TFF3: variants seen among roughly 807,000 people sequenced by gnomAD.
TFF3 encodes polypeptide P1.B.
Under a neutral mutation model 9.7 loss-of-function variants are expected in TFF3, and 6 were observed. The observed-to-expected ratio is 0.62, with a 90% confidence interval of 0.34 to 1.22. The LOEUF (loss-of-function observed/expected upper bound fraction) is 1.22, where lower values mean the gene tolerates loss of function less well. Ranked by LOEUF, TFF3 falls within the 50% of genes most tolerant of loss-of-function variation. The pLI is 0.04. For synonymous variants in TFF3, 48 were observed against 41.4 expected, an observed-to-expected ratio of 1.16 and a Z score of -0.61; for missense variants, 93 against 98.6, an observed-to-expected ratio of 0.94 and a Z score of 0.24.
Position 42,312,010 on chromosome 21 carries a change from T to C in TFF3, c.*246A>G, listed in dbSNP as rs2069333237. On this transcript the variant is annotated 3_prime_UTR_variant, in exon 3 of 3. Coordinates refer to ENST00000518498, the MANE Select transcript of TFF3 (RefSeq NM_003226.4). ...ACTCTCCCCTGACACCCTCCCGCCC[T>C]CTCCCACGACGCAGCAGAAATAAAG... 2 of 550,572 alleles carry C rather than the reference T, an allele frequency of 3.6e-6. No homozygotes were observed. The highest frequency in any genetic ancestry group is 1.9e-5 in the African/African-American group (1 of 52,278). The allele number at this position is 550,572 out of a possible 1,614,324, so 34.1% of individuals were successfully genotyped here. A position where few individuals can be genotyped will look rare whatever the true frequency, so the allele number is the denominator to read the frequency against.
Position 42,311,972 on chromosome 21 carries a change from G to T in TFF3, c.*284C>A. ...CCTTAGGGAGTCTTTTCCTGCCCTTGAGGCCTGGGCAGACTCTCCCCTGAC... is the reference window on the plus strand; with the variant it reads ...CCTTAGGGAGTCTTTTCCTGCCCTTTAGGCCTGGGCAGACTCTCCCCTGAC... On this transcript the variant is annotated 3_prime_UTR_variant, in exon 3 of 3. Transcript: ENST00000518498. 1 of 636,004 alleles carries T rather than the reference G, an allele frequency of 1.6e-6. No individual in the cohort carries two copies. The allele number at this position is 636,004 out of a possible 1,614,324, so 39.4% of individuals were successfully genotyped here. A position where few individuals can be genotyped will look rare whatever the true frequency, so the allele number is the denominator to read the frequency against.
intron 2 of TFF3, 31 bp from the exon 3 acceptor site, chr21:42,312,300 G>T: frequency 6.3e-7 from 1 of 1,578,976 alleles, no homozygotes; most frequent in Non-Finnish European, 8.6e-7. Context: ...TGTGTGAGCA[G>T]TCTCTCTCCA....
chr21:42,313,735 C>A lies in TFF3; in HGVS notation c.83-104G>T. Reference sequence around the variant, plus strand: ...TGCATCCTCCCGCTCCGCCCCACCCCGCCGAGTTCAACCACTGCTGAAACC... The same window carrying A: ...TGCATCCTCCCGCTCCGCCCCACCCAGCCGAGTTCAACCACTGCTGAAACC... On this transcript the variant is annotated intron_variant, in intron 1 of 2. Transcript: ENST00000518498. The surrounding 1 kb of genome is among the most constrained non-coding windows in gnomAD (Gnocchi z 4.0). 3.6e-6 allele frequency: 5 copies of A among 1,373,846 alleles called. No individual in the cohort carries two copies. The highest frequency in any genetic ancestry group is 1.5e-5 in the South Asian group (1 of 66,772). 85.1% of individuals were successfully genotyped at this position (1,373,846 alleles called of 1,614,324 possible).
At chr21:42,314,979 A>G (rs1400362111) in intron 1 of TFF3, among the ~76,000 whole-genome samples, 1 of 152,244 alleles carries the variant, frequency 6.6e-6, no homozygotes, top group African/African-American at 2.4e-5. Context: ...GGAACAATGC[A>G]TAAAGACCTA....
At position 42,313,677 on chromosome 21, in the gene TFF3, TG is replaced by T. The variant is rs2069343577; in HGVS notation, c.83-47del. The T allele has an allele frequency of 3.2e-6, 5 of 1,567,412 alleles. No homozygotes were observed. The Middle Eastern group carries it at 6.7e-4, about 211-fold the overall frequency. On this transcript the variant is annotated intron_variant, in intron 1 of 2. Transcript: ENST00000518498. The surrounding 1 kb of genome is among the most constrained non-coding windows in gnomAD (Gnocchi z 4.0). The stretch of plus-strand genomic sequence containing the variant: ...TCAGCTGCCAGAGCCCTTGCTGGGC[TG>T]CGGTGAGTGTGTTTGCTTCACTTTG...
At position 42,312,101 on chromosome 21, in the gene TFF3, TAA is replaced by T; in HGVS notation, c.*153_*154del. 3.0e-6 allele frequency: 3 copies of T among 1,007,380 alleles called. No homozygotes were observed. The highest frequency in any genetic ancestry group is 4.7e-6 in the Non-Finnish European group (3 of 632,262). 62.4% of individuals were successfully genotyped at this position (1,007,380 alleles called of 1,614,324 possible). On this transcript the variant is annotated 3_prime_UTR_variant, in exon 3 of 3. Coordinates refer to ENST00000518498, the MANE Select transcript of TFF3 (RefSeq NM_003226.4). ...GGTGGAGCATGGGACCTTTATTCGTTAAGACATCAGGCTCCAGATATGAACTT... is the reference window on the plus strand; with the variant it reads ...GGTGGAGCATGGGACCTTTATTCGTTGACATCAGGCTCCAGATATGAACTT...
At position 42,312,254 on chromosome 21, in the gene TFF3, C is replaced by A. The variant is rs369257030; in HGVS notation, c.*2G>T. On this transcript the variant is annotated 3_prime_UTR_variant, in exon 3 of 3. Coordinates refer to ENST00000518498, the MANE Select transcript of TFF3 (RefSeq NM_003226.4). Reference sequence around the variant, plus strand: ...CCCCGGCCGGGGGCAGCTGGAGGTGCCTCAGAAGGTGCATTCTGCAAACAG... The same window carrying A: ...CCCCGGCCGGGGGCAGCTGGAGGTGACTCAGAAGGTGCATTCTGCAAACAG... 67 of 1,611,784 alleles carry A rather than the reference C, an allele frequency of 4.2e-5. No homozygotes were observed. The highest frequency in any genetic ancestry group is 5.4e-5 in the Non-Finnish European group (64 of 1,178,950).
chr21:42,312,214 T>G lies in TFF3; in HGVS notation c.*42A>C. ...AGCAATCACAGCCGGGCAAGGGTGC[T>G]CCGAGCCTCGCATCCCCCGGCCGGG... On this transcript the variant is annotated 3_prime_UTR_variant, in exon 3 of 3. Coordinates refer to ENST00000518498, the MANE Select transcript of TFF3 (RefSeq NM_003226.4). 1 of 1,613,822 alleles carries G rather than the reference T, an allele frequency of 6.2e-7. No individual in the cohort carries two copies. Among genetic ancestry groups the G allele is most frequent in the Non-Finnish European group, 8.5e-7 (1 of 1,179,894 alleles).
chr21:42,312,435 C>T (rs1294555735), intron 2 of TFF3, among the ~76,000 whole-genome samples, 166 bp from the exon 3 acceptor site: 2 of 152,214 alleles, frequency 1.3e-5, no homozygotes. Flanking sequence ...AAGATTCCCA[C>T]CTCGGGTTGC....
chr21:42,312,377 C>T lies in TFF3; in HGVS notation c.230-108G>A, dbSNP rs751787945. 10 of 1,353,516 alleles carry T rather than the reference C, an allele frequency of 7.4e-6. No individual in the cohort carries two copies. In the Admixed American group the frequency reaches 2.1e-4, roughly 28 times the overall value. 83.8% of individuals were successfully genotyped at this position (1,353,516 alleles called of 1,614,324 possible). Reference sequence around the variant, plus strand: ...GCCAGCACCTAGTGCTGCCTCCTCCCCAGAGTCACCGGGGAGTGTTGAGTC... The same window carrying T: ...GCCAGCACCTAGTGCTGCCTCCTCCTCAGAGTCACCGGGGAGTGTTGAGTC... On this transcript the variant is annotated intron_variant, in intron 2 of 2. Coordinates refer to ENST00000518498, the MANE Select transcript of TFF3 (RefSeq NM_003226.4).
Position 42,313,485 on chromosome 21 carries a change from C to T in TFF3, c.229G>A (p.Glu77Lys), listed in dbSNP as rs758987563. ...GACCACGATGCCACTGGGGCCTTAC[C>T]TGCTTCCTGCAGGGGCTTGAAACAC... Reference protein sequence around the residue: ...PWCFKPLQEAECTF With the variant: ...PWCFKPLQEAKCTF Residue 77 changes from glutamate (E) to lysine (K), a missense_variant and splice_region_variant, in exon 2 of 3, where the codon GAA becomes AAA. By Grantham distance (56) the Glu-to-Lys change is moderately conservative. Transcript: ENST00000518498. The surrounding 1 kb of genome is among the most constrained non-coding windows in gnomAD (Gnocchi z 4.0). The T allele has an allele frequency of 6.2e-7, 1 of 1,607,326 alleles. No individual in the cohort carries two copies. Among genetic ancestry groups the T allele is most frequent in the South Asian group, 1.1e-5 (1 of 90,242 alleles).
Position 42,313,730 on chromosome 21 carries a change from C to T in TFF3, c.83-99G>A. The T allele has an allele frequency of 1.4e-6, 2 of 1,398,442 alleles. No homozygotes were observed. The highest frequency in any genetic ancestry group is 1.9e-6 in the Non-Finnish European group (2 of 1,055,396). 86.6% of individuals were successfully genotyped at this position (1,398,442 alleles called of 1,614,324 possible). A position where few individuals can be genotyped will look rare whatever the true frequency, so the allele number is the denominator to read the frequency against. ...AAGTTTGCATCCTCCCGCTCCGCCC[C>T]ACCCCGCCGAGTTCAACCACTGCTG... On this transcript the variant is annotated intron_variant, in intron 1 of 2. Transcript: ENST00000518498. The surrounding 1 kb of genome is among the most constrained non-coding windows in gnomAD (Gnocchi z 4.0).
rs369526945 is a variant in TFF3 at position 42,312,200 on chromosome 21, C to T, written c.*56G>A. On this transcript the variant is annotated 3_prime_UTR_variant, in exon 3 of 3. Transcript: ENST00000518498. ...GAACAGTGCCTGGCAGCAATCACAG[C>T]CGGGCAAGGGTGCTCCGAGCCTCGC... 2.0e-5 allele frequency: 32 copies of T among 1,613,286 alleles called. No homozygotes were observed. In the South Asian group the frequency reaches 2.2e-4, roughly 11 times the overall value.
chr21:42,312,888 A>C (rs2069338842), intron 2 of TFF3, among the ~76,000 whole-genome samples: 1 of 152,154 alleles, frequency 6.6e-6, no homozygotes, highest in South Asian at 2.1e-4. Flanking sequence ...TGGTGGAGCC[A>C]GGGTGGCAAA....
intron 1 of TFF3, 45 bp downstream of exon 1, chr21:42,315,248 C>T (rs1322487352): frequency 6.3e-7 from 1 of 1,588,846 alleles, no homozygotes; most frequent in African/African-American, 1.3e-5. Context: ...GGATCCCTTC[C>T]CTTCACGCCC....
Position 42,312,082 on chromosome 21 carries a change from G to A in TFF3, c.*174C>T. Reference sequence around the variant, plus strand: ...GCACGAAGAACTGTCCTCGGGTGGAGCATGGGACCTTTATTCGTTAAGACA... The same window carrying A: ...GCACGAAGAACTGTCCTCGGGTGGAACATGGGACCTTTATTCGTTAAGACA... On this transcript the variant is annotated 3_prime_UTR_variant, in exon 3 of 3. Transcript: ENST00000518498. The A allele has an allele frequency of 1.2e-6, 1 of 852,650 alleles. No homozygotes were observed. Among genetic ancestry groups the A allele is most frequent in the Non-Finnish European group, 2.0e-6 (1 of 499,786 alleles). The allele number at this position is 852,650 out of a possible 1,614,324, so 52.8% of individuals were successfully genotyped here.
At position 42,315,299 on chromosome 21, in the gene TFF3, C is replaced by G. The variant is rs1569251224; in HGVS notation, c.76G>C (p.Gly26Arg). ...LSSSSAEEYV[G>R]LSANQCAVPA... is the part of the protein sequence containing the mutation. ...CAGTCAGGGCAGTACTCACACAGGC[C>G]CACGTACTCCTCAGCAGAGCTGGAG... Residue 26 changes from glycine to arginine, a missense_variant, in exon 1 of 3, where the codon GGC becomes CGC. Transcript: ENST00000518498. 1 of 1,613,516 alleles carries G rather than the reference C, an allele frequency of 6.2e-7. No homozygotes were observed. Among genetic ancestry groups the G allele is most frequent in the Non-Finnish European group, 8.5e-7 (1 of 1,179,962 alleles).
intron 2 of TFF3, 78 bp from the exon 3 acceptor site, chr21:42,312,347 C>T: frequency 6.6e-7 from 1 of 1,516,398 alleles, no homozygotes; most frequent in Non-Finnish European, 8.8e-7. Flanking sequence ...AGGGCAGGCT[C>T]CAAGGCCAGC....
At chr21:42,314,097 C>T (rs1010151750) in intron 1 of TFF3, among the ~76,000 whole-genome samples, 1 of 152,212 alleles carries the variant, frequency 6.6e-6, no homozygotes, top group Non-Finnish European at 1.5e-5. Flanking sequence ...TTTTCTGCAT[C>T]TCCCCTTCCT....
Sources: gnomAD v4.1 joint callset for allele counts (sites outside exome capture counted in the v4.1 genomes callset) on GRCh38, gnomAD v4.1.1 for gene constraint, Gnocchi (gnomAD v3.1) non-coding constraint, MANE v1.5 for transcripts, NCBI Gene and HGNC (gene_info 2026-07-23, HGNC 2026-07-21) for gene names.